Variants in SYTL3 observed in about 807,000 individuals in gnomAD.
SYTL3 encodes the protein synaptotagmin like 3, also known as synaptotagmin-like protein 3.
Under a neutral mutation model 82.1 loss-of-function variants are expected in SYTL3, and 88 were observed. The ratio of observed to expected loss-of-function variants is 1.07; its 90% confidence interval spans 0.90 to 1.28. SYTL3 has a LOEUF of 1.28. Among genes scored for constraint, SYTL3 ranks in the 50% most tolerant of loss-of-function variants. The pLI, the probability that SYTL3 is intolerant of heterozygous loss-of-function variation, is 0.00. For synonymous variants in SYTL3, 311 were observed against 289.4 expected (o/e 1.07, Z -0.76); for missense variants, 831 against 757.6 (o/e 1.10, Z -1.14).
At chr6:158,663,426 G>C in intron 4 of SYTL3, 48 bp downstream of exon 4, 3 of 1,599,670 alleles carry the variant, frequency 1.9e-6, no homozygotes, top group African/African-American at 2.7e-5. Context: ...AGCTTTCTCT[G>C]CTTGGGGCCT....
At chr6:158,669,776 A>G (rs1226195226) in intron 5 of SYTL3, among the ~76,000 whole-genome samples, 1 of 152,200 alleles carries the variant, frequency 6.6e-6, no homozygotes, top group Admixed American at 6.5e-5. Flanking sequence ...AGATCTTGGA[A>G]TTTATCAAAA....
At chr6:158,740,703 T>G (rs1171033311) in intron 11 of SYTL3, among the ~76,000 whole-genome samples, 3 of 152,306 alleles carry the variant, frequency 2.0e-5, no homozygotes. Context: ...TGCTGGACAT[T>G]GAGTATGAAA....
chr6:158,648,604 A>AT (rs34626338), upstream of SYTL3, among the ~76,000 whole-genome samples: 22,431 of 136,042 alleles, frequency 0.16, 1,910 homozygotes, highest in Non-Finnish European at 0.2. Context: ...AAAAAAAAAA[A>AT]AAAAATAATA....
rs564453491 is a variant in SYTL3 at position 158,678,034 on chromosome 6, C to T, written c.330-4891C>T. 9.2e-5 allele frequency among the ~76,000 whole-genome samples: 14 copies of T among 152,256 alleles called. No individual in the cohort carries two copies. In the South Asian group the frequency reaches 1.7e-3, roughly 18 times the overall value. On this transcript the variant is annotated intron_variant, in intron 5 of 17. Transcript: ENST00000611299. Reference sequence around the variant, plus strand: ...CCTCCTGAGGAGCTGGGACTACTGGCGTGCACCACCATGTCTGGCTGATTT... The same window carrying T: ...CCTCCTGAGGAGCTGGGACTACTGGTGTGCACCACCATGTCTGGCTGATTT...
intron 13 of SYTL3, among the ~76,000 whole-genome samples, chr6:158,754,264 C>T (rs1433935358): frequency 1.3e-5 from 2 of 152,218 alleles, no homozygotes; most frequent in African/African-American, 4.8e-5. Flanking sequence ...CCCCATTTGA[C>T]ACCACTGTCC....
At chr6:158,726,528 C>G (rs1784736231) in intron 11 of SYTL3, 1 of 194,510 alleles carries the variant, frequency 5.1e-6, no homozygotes, top group Non-Finnish European at 1.1e-5. Flanking sequence ...ATCCAGCGGA[C>G]TGAATATAAA....
intron 6 of SYTL3, among the ~76,000 whole-genome samples, chr6:158,688,613 A>T (rs1014659244): frequency 6.6e-6 from 1 of 152,216 alleles, no homozygotes; most frequent in African/African-American, 2.4e-5. Context: ...AATTAAATGA[A>T]ATTAAAAAAT....
chr6:158,700,690 C>T (rs1178639165), intron 6 of SYTL3, among the ~76,000 whole-genome samples: 3 of 152,174 alleles, frequency 2.0e-5, no homozygotes, highest in Non-Finnish European at 2.9e-5. Context: ...GATCTTGGCT[C>T]ACTGCAAGGT....
chr6:158,747,105 G>A (rs1260972606), intron 12 of SYTL3, among the ~76,000 whole-genome samples: 7 of 152,122 alleles, frequency 4.6e-5, no homozygotes, highest in African/African-American at 1.7e-4. Context: ...TCCTGCCTCA[G>A]CCTCCTGAGT....
chr6:158,650,770 C>G (rs1478046106), intron 1 of SYTL3, among the ~76,000 whole-genome samples: 1 of 147,012 alleles, frequency 6.8e-6, no homozygotes, highest in Non-Finnish European at 1.5e-5. Flanking sequence ...TGATGAAACC[C>G]CATCTCTAAA....
intron 6 of SYTL3, among the ~76,000 whole-genome samples, chr6:158,698,396 C>A (rs369741650): frequency 0.013 from 1,420 of 112,716 alleles, no homozygotes; most frequent in Middle Eastern, 0.02. Flanking sequence ...GACTCTGTCT[C>A]AAAAAAAAAA....
upstream of SYTL3, among the ~76,000 whole-genome samples, chr6:158,648,895 G>C (rs1787694743): frequency 6.6e-6 from 1 of 152,210 alleles, no homozygotes. Flanking sequence ...AAGCTAAAGA[G>C]ATTAGCTAAG....
At chr6:158,700,983 CAG>C (rs1320391572) in intron 6 of SYTL3, among the ~76,000 whole-genome samples, 1 of 152,178 alleles carries the variant, frequency 6.6e-6, no homozygotes, top group African/African-American at 2.4e-5. Flanking sequence ...CAGCGAGATG[CAG>C]AAGATGAGGC....
At chr6:158,746,611 G>A (rs11970541) in intron 12 of SYTL3, among the ~76,000 whole-genome samples, 74,618 of 151,058 alleles carry the variant, frequency 0.49, 19,177 homozygotes, top group African/African-American at 0.56. Flanking sequence ...GACTACAGGC[G>A]TGCACCACCA....
rs181943400 is a variant in SYTL3 at position 158,747,186 on chromosome 6, C to T, written c.1034+1528C>T. 7.8e-4 allele frequency among the ~76,000 whole-genome samples: 118 copies of T among 152,046 alleles called. 1 individual carries two copies. The East Asian group carries it at 0.018, about 23-fold the overall frequency. On this transcript the variant is annotated intron_variant, in intron 12 of 17. Transcript: ENST00000611299. The stretch of plus-strand genomic sequence containing the variant: ...ATCTTTAGTAGAGACGGGGTTTCCC[C>T]GTGTTGGCCAGGCTGGTCTTGAACT...
chr6:158,753,647 G>C (rs896933270), intron 13 of SYTL3, among the ~76,000 whole-genome samples: 1 of 150,600 alleles, frequency 6.6e-6, no homozygotes, highest in Non-Finnish European at 1.5e-5. Flanking sequence ...GGAGAATGGC[G>C]TGAACCCGGG....
intron 5 of SYTL3, among the ~76,000 whole-genome samples, chr6:158,672,552 G>GTTTC (rs1182212045): frequency 0.035 from 3,849 of 109,072 alleles, 174 homozygotes; most frequent in African/African-American, 0.12. Flanking sequence ...TGGTTTTTTT[G>GTTTC]TTTCTTTTTT....
At chr6:158,676,568 A>G (rs1778054727) in intron 5 of SYTL3, among the ~76,000 whole-genome samples, 1 of 152,138 alleles carries the variant, frequency 6.6e-6, no homozygotes, top group East Asian at 1.9e-4. Context: ...ATCTAATTAA[A>G]CTAAAGAGCT....
chr6:158,736,251 T>C (rs192132075), intron 11 of SYTL3, among the ~76,000 whole-genome samples: 1 of 151,716 alleles, frequency 6.6e-6, no homozygotes, highest in Non-Finnish European at 1.5e-5. Flanking sequence ...CTCGGGAGGC[T>C]GAGGCAGGAG....
Sources: allele counts gnomAD v4.1 joint callset (sites outside exome capture counted in the v4.1 genomes callset), GRCh38; gene constraint gnomAD v4.1.1; transcripts MANE v1.5; gene names NCBI Gene and HGNC (gene_info 2026-07-23, HGNC 2026-07-21).